CRB1: variants seen among roughly 807,000 people sequenced by gnomAD.
CRB1 encodes the protein crumbs cell polarity complex component 1, also known as protein crumbs homolog 1.
A neutral mutation model predicts 120.0 loss-of-function variants in CRB1; 83 were observed. That is an observed-to-expected ratio of 0.69 (90% CI 0.58 to 0.83). CRB1 has a LOEUF of 0.83. Ranked by LOEUF, CRB1 falls within the 40% of genes least tolerant of loss-of-function variation. The pLI is 0.00. For missense variants in CRB1, 1,699 were observed against 1,687.6 expected (o/e 1.01, Z -0.12); for synonymous variants, 625 against 612.5 (o/e 1.02, Z -0.30).
At position 197,328,980 on chromosome 1, in the gene CRB1, G is replaced by T. The variant is rs972802394; in HGVS notation, c.629G>T (p.Cys210Phe). 5 of 1,613,100 alleles carry T rather than the reference G, an allele frequency of 3.1e-6. No homozygotes were observed. The African/African-American group carries it at 6.7e-5, about 22-fold the overall frequency. Reference sequence around the variant, plus strand: ...CTCAATGAAATAGGAAGATATACTTGTATCTGTCCCCACAATTATTCTGGT... The same window carrying T: ...CTCAATGAAATAGGAAGATATACTTTTATCTGTCCCCACAATTATTCTGGT... ...TCLNEIGRYT[C>F]ICPHNYSGVN... Residue 210 changes from cysteine (C) to phenylalanine (F), a missense_variant, in exon 2 of 12, where the codon TGT becomes TTT. Cys to Phe is a radical substitution (Grantham distance 205). Transcript: ENST00000367400.
At chr1:197,351,039 C>T (rs529000385) in intron 4 of CRB1, among the ~76,000 whole-genome samples, 3 of 151,804 alleles carry the variant, frequency 2.0e-5, no homozygotes, top group Non-Finnish European at 4.4e-5. Context: ...GTGGCAGGCA[C>T]CCATAGAAAA....
At chr1:197,330,274 C>G (rs192743493) in intron 2 of CRB1, among the ~76,000 whole-genome samples, 9 of 152,148 alleles carry the variant, frequency 5.9e-5, no homozygotes, top group Admixed American at 5.9e-4. Flanking sequence ...TATTTCAACT[C>G]TTGTGTGTAC....
intron 11 of CRB1, among the ~76,000 whole-genome samples, chr1:197,453,939 A>G (rs1240764001): frequency 7.7e-6 from 1 of 130,472 alleles, no homozygotes; most frequent in Non-Finnish European, 1.5e-5. Flanking sequence ...TATTATTAAT[A>G]ATATATATTA....
intron 5 of CRB1, among the ~76,000 whole-genome samples, chr1:197,395,200 C>G (rs1662712289): frequency 6.6e-6 from 1 of 152,096 alleles, no homozygotes. Flanking sequence ...TGTTCTATCT[C>G]CATCAGTGAA....
chr1:197,361,229 T>C (rs1386050738), intron 5 of CRB1, among the ~76,000 whole-genome samples: 2 of 151,914 alleles, frequency 1.3e-5, no homozygotes, highest in South Asian at 4.2e-4. Flanking sequence ...CTTTGTCTGG[T>C]TTTAAGATCA....
chr1:197,385,434 A>G (rs2821103), intron 5 of CRB1, among the ~76,000 whole-genome samples: 139,091 of 152,104 alleles, frequency 0.91, 63,822 homozygotes, highest in East Asian at 1. Flanking sequence ...CTAATATGTA[A>G]GATATTAAAT....
At chr1:197,398,316 T>C (rs1031864707) in intron 5 of CRB1, among the ~76,000 whole-genome samples, 17 of 152,164 alleles carry the variant, frequency 1.1e-4, no homozygotes, top group Non-Finnish European at 1.9e-4. Flanking sequence ...TCATTTTCTA[T>C]TTACTTATGA....
At chr1:197,353,909 A>C (rs1386824971) in intron 4 of CRB1, among the ~76,000 whole-genome samples, 1 of 150,114 alleles carries the variant, frequency 6.7e-6, no homozygotes, top group African/African-American at 2.4e-5. Flanking sequence ...TTATATGTGC[A>C]TCCTACTAAA....
chr1:197,414,703 GC>G (rs908209636), intron 5 of CRB1, among the ~76,000 whole-genome samples: 1 of 152,040 alleles, frequency 6.6e-6, no homozygotes, highest in African/African-American at 2.4e-5. Flanking sequence ...AGACTGAATG[GC>G]CCCAATGGTC....
At chr1:197,311,130 G>A (rs897718833) in intron 1 of CRB1, among the ~76,000 whole-genome samples, 1 of 152,128 alleles carries the variant, frequency 6.6e-6, no homozygotes, top group Admixed American at 6.5e-5. Flanking sequence ...GCCAAGACAT[G>A]GAAATAACTT....
At chr1:197,412,955 C>T (rs950696913) in intron 5 of CRB1, among the ~76,000 whole-genome samples, 3 of 152,128 alleles carry the variant, frequency 2.0e-5, no homozygotes, top group Admixed American at 6.5e-5. Context: ...GCATACACTG[C>T]CCATGATAAG....
chr1:197,366,503 T>G (rs1214750379), intron 5 of CRB1, among the ~76,000 whole-genome samples: 1 of 152,236 alleles, frequency 6.6e-6, no homozygotes, highest in Non-Finnish European at 1.5e-5. Flanking sequence ...AATTACCTTC[T>G]ATATTGAAAA....
At chr1:197,426,541 A>G (rs559205223) in intron 6 of CRB1, among the ~76,000 whole-genome samples, 1 of 152,198 alleles carries the variant, frequency 6.6e-6, no homozygotes, top group African/African-American at 2.4e-5. Flanking sequence ...TATGTCACCC[A>G]TATTTTACAA....
chr1:197,259,760 C>A, the CRB1 span, among the ~76,000 whole-genome samples: 64 of 152,188 alleles, frequency 4.2e-4, 1 homozygote, highest in Middle Eastern at 3.4e-3. Context: ...ATGCAATCCC[C>A]ATTATACTTG....
intron 5 of CRB1, among the ~76,000 whole-genome samples, chr1:197,368,856 TA>T (rs941668546): frequency 3.3e-5 from 5 of 152,194 alleles, no homozygotes; most frequent in African/African-American, 1.2e-4. Flanking sequence ...AATCCATCAT[TA>T]AAGTCTTGAG....
At chr1:197,339,631 C>T (rs1259929268) in intron 2 of CRB1, among the ~76,000 whole-genome samples, 2 of 152,112 alleles carry the variant, frequency 1.3e-5, no homozygotes, top group Non-Finnish European at 2.9e-5. Context: ...GCTCCCTGCC[C>T]ACTGTAAAGA....
chr1:197,227,924 C>G, the CRB1 span, among the ~76,000 whole-genome samples: 1 of 152,220 alleles, frequency 6.6e-6, no homozygotes, highest in Non-Finnish European at 1.5e-5. Context: ...CACCCACAAG[C>G]TCAATACCAT....
intron 1 of CRB1, among the ~76,000 whole-genome samples, chr1:197,312,283 GC>G (rs1234209028): frequency 6.6e-6 from 1 of 152,166 alleles, no homozygotes; most frequent in Non-Finnish European, 1.5e-5. Flanking sequence ...TTGTTAACAG[GC>G]TGGGTGCGGT....
At chr1:197,262,258 C>T in the CRB1 span, among the ~76,000 whole-genome samples, 1 of 152,136 alleles carries the variant, frequency 6.6e-6, no homozygotes, top group Non-Finnish European at 1.5e-5. Flanking sequence ...GAAATTGTAT[C>T]TCCAGAACCT....
Sources: gnomAD v4.1 joint callset for allele counts (sites outside exome capture counted in the v4.1 genomes callset) on GRCh38, gnomAD v4.1.1 for gene constraint, MANE v1.5 for transcripts, NCBI Gene and HGNC (gene_info 2026-07-23, HGNC 2026-07-21) for gene names.